Variants in ZNF541 observed in about 807,000 individuals in gnomAD.
ZNF541 encodes the protein zinc finger protein 541.
A neutral mutation model predicts 123.5 loss-of-function variants in ZNF541; 23 were observed. That is an observed-to-expected ratio of 0.19 (90% CI 0.13 to 0.26). The LOEUF is 0.26. Ranked by LOEUF, ZNF541 falls within the 10% of genes least tolerant of loss-of-function variation. The probability of loss-of-function intolerance (pLI) is 1.00; values close to 1 mark genes in which losing one functional copy is unlikely to be tolerated. For missense variants in ZNF541, 1,612 were observed against 1,789.9 expected (o/e 0.90, Z 1.79); for synonymous variants, 751 against 754.5 (o/e 1.00, Z 0.08).
At chr19:47,549,861 G>A (rs902654234) in intron 3 of ZNF541, among the ~76,000 whole-genome samples, 1 of 152,090 alleles carries the variant, frequency 6.6e-6, no homozygotes, top group East Asian at 1.9e-4. Context: ...CTGTTTTTGG[G>A]GTTTTCACAT....
At chr19:47,522,284 G>A (rs908935448) in intron 14 of ZNF541, among the ~76,000 whole-genome samples, 1 of 152,210 alleles carries the variant, frequency 6.6e-6, no homozygotes, top group African/African-American at 2.4e-5. Flanking sequence ...GTTGCACCAG[G>A]GATGCCAACT....
intron 2 of ZNF541, among the ~76,000 whole-genome samples, chr19:47,559,436 C>T (rs1302454728): frequency 6.6e-6 from 1 of 151,910 alleles, no homozygotes; most frequent in African/African-American, 2.4e-5. Context: ...ACAGACTCAA[C>T]TAGTAATTTT....
intron 3 of ZNF541, among the ~76,000 whole-genome samples, chr19:47,555,293 C>A (rs1316002201): frequency 2.0e-5 from 3 of 151,446 alleles, no homozygotes; most frequent in Admixed American, 2.0e-4. Context: ...TGGTGTGAAC[C>A]CAGGAGGCGG....
chr19:47,564,255 G>C (rs569607340), intron 2 of ZNF541, among the ~76,000 whole-genome samples: 19 of 152,126 alleles, frequency 1.2e-4, no homozygotes, highest in Non-Finnish European at 2.6e-4. Context: ...TACTCCCATA[G>C]TCCACAGAAC....
At chr19:47,570,249 G>A (rs368287957) in intron 2 of ZNF541, among the ~76,000 whole-genome samples, 1 of 151,484 alleles carries the variant, frequency 6.6e-6, no homozygotes, top group Middle Eastern at 3.2e-3. Context: ...ACTCCAGCCT[G>A]GGCGACAGAG....
chr19:47,546,604 A>T (rs955320305), intron 4 of ZNF541, among the ~76,000 whole-genome samples: 3 of 152,234 alleles, frequency 2.0e-5, no homozygotes, highest in African/African-American at 7.2e-5. Flanking sequence ...TGGGTTCCCA[A>T]GGAACACAAA....
In ZNF541 at chr19:47,538,424, C is replaced by G. The variant is rs775310863; in HGVS notation, c.2812G>C (p.Gly938Arg). Residue 938 changes from glycine to arginine, a missense_variant, in exon 9 of 17, where the codon GGG becomes CGG. Transcript: ENST00000391901. ...GSMAMGQEKD[G>R]EERDSKESSQ... ...CTCTCCTTGCTGTCTCGCTCCTCCC[C>G]GTCTTTCTCTTGTCCCTGAAGAAGT... is the stretch of plus-strand genomic sequence containing the variant. 3.9e-6 allele frequency: 6 copies of G among 1,521,566 alleles called. No homozygotes were observed. In the African/African-American group the frequency reaches 4.2e-5, roughly 11 times the overall value. 94.3% of individuals were successfully genotyped at this position (1,521,566 alleles called of 1,614,324 possible).
At chr19:47,528,215 T>C (rs1969394971) in intron 14 of ZNF541, among the ~76,000 whole-genome samples, 1 of 139,896 alleles carries the variant, frequency 7.1e-6, no homozygotes. Context: ...CTCGGAAGGC[T>C]GAGGCAGGAG....
At chr19:47,561,519 T>C (rs1027398315) in intron 2 of ZNF541, among the ~76,000 whole-genome samples, 8 of 152,000 alleles carry the variant, frequency 5.3e-5, no homozygotes, top group Admixed American at 2.6e-4. Context: ...TCCTGGGAAT[T>C]TAGAAGGTGG....
At chr19:47,539,542 T>C (rs1263302977) in intron 8 of ZNF541, among the ~76,000 whole-genome samples, 163 bp downstream of exon 8, 1 of 152,096 alleles carries the variant, frequency 6.6e-6, no homozygotes, top group East Asian at 1.9e-4. Flanking sequence ...GCTCAGGCAA[T>C]CCACCCGCCT....
intron 2 of ZNF541, among the ~76,000 whole-genome samples, chr19:47,561,962 T>C (rs1022350489): frequency 6.6e-6 from 1 of 152,170 alleles, no homozygotes; most frequent in Non-Finnish European, 1.5e-5. Flanking sequence ...AATATCCAGT[T>C]TACAGGCTGG....
In ZNF541 at chr19:47,532,188, C is replaced by T. The variant is rs934726001; in HGVS notation, c.3241G>A (p.Ala1081Thr). 3.9e-6 allele frequency: 6 copies of T among 1,551,664 alleles called. No homozygotes were observed. In the African/African-American group the frequency reaches 6.8e-5, roughly 18 times the overall value. ...RSLAGTDEHVASLVWKPWGDM... is the reference protein window; with the variant it reads ...RSLAGTDEHVTSLVWKPWGDM... Reference sequence around the variant, plus strand: ...CCCCATGGCTTCCAGACCAGAGAAGCTACATGCTCGTCAGTTCCAGCCAGG... The same window carrying T: ...CCCCATGGCTTCCAGACCAGAGAAGTTACATGCTCGTCAGTTCCAGCCAGG... Residue 1081 changes from alanine to threonine, a missense_variant, in exon 11 of 17, where the codon GCT (alanine) becomes ACT (threonine). Physicochemically the swap from Ala to Thr is moderately conservative, Grantham distance 58. Around this residue, in one of 5 missense-constraint regions of ZNF541, gnomAD observed 285 missense variants for 407.3 expected, o/e 0.70. Transcript: ENST00000391901.
intron 2 of ZNF541, among the ~76,000 whole-genome samples, chr19:47,567,459 A>G (rs1971309579): frequency 6.6e-6 from 1 of 152,290 alleles, no homozygotes; most frequent in Non-Finnish European, 1.5e-5. Context: ...GGGTTTCACC[A>G]TGTTGGCTAA....
intron 5 of ZNF541, 78 bp from the exon 6 acceptor site, chr19:47,541,029 G>C: frequency 7.4e-7 from 1 of 1,343,026 alleles, no homozygotes; most frequent in Non-Finnish European, 1.0e-6. Context: ...ACTTTTAGAA[G>C]AAAACATCAG....
chr19:47,554,880 G>C (rs1970749333), intron 3 of ZNF541, among the ~76,000 whole-genome samples: 1 of 152,010 alleles, frequency 6.6e-6, no homozygotes, highest in Admixed American at 6.6e-5. Flanking sequence ...GATCACTTGA[G>C]GTCAGGAGTT....
intron 14 of ZNF541, among the ~76,000 whole-genome samples, chr19:47,524,479 G>A (rs1599937905): frequency 6.6e-6 from 1 of 152,188 alleles, no homozygotes. Flanking sequence ...GCCGAGGCAG[G>A]AGGATCACCT....
Position 47,545,053 on chromosome 19 carries a change from G to A in ZNF541, c.1476C>T (p.Ala492=), listed in dbSNP as rs1300061887. 2.0e-6 allele frequency: 3 copies of A among 1,478,936 alleles called. No individual in the cohort carries two copies. The highest frequency in any genetic ancestry group is 2.5e-5 in the East Asian group (1 of 40,324). The allele number at this position is 1,478,936 out of a possible 1,614,324, so 91.6% of individuals were successfully genotyped here. A position where few individuals can be genotyped will look rare whatever the true frequency, so the allele number is the denominator to read the frequency against. ...PAEAPSDPRS[A]SGEDDPCAPK... ...GGGCGCAGGGGTCATCTTCCCCGCT[G>A]GCCGACCTGGGGTCGCTCGGGGCCT... Residue 492 remains alanine (A), a synonymous_variant, in exon 5 of 17, where the codon GCC becomes GCT. Transcript: ENST00000391901. This position sits in a 1 kb window ranked among gnomAD's most constrained non-coding sequence, Gnocchi z 7.5.
intron 2 of ZNF541, among the ~76,000 whole-genome samples, chr19:47,561,740 TAAG>T (rs1446384718): frequency 6.6e-6 from 1 of 151,996 alleles, no homozygotes; most frequent in Non-Finnish European, 1.5e-5. Context: ...TCCAGGAGTT[TAAG>T]AAGATCTCTG....
At chr19:47,543,292 G>T (rs748827858) in intron 5 of ZNF541, among the ~76,000 whole-genome samples, 1 of 152,052 alleles carries the variant, frequency 6.6e-6, no homozygotes, top group Non-Finnish European at 1.5e-5. Context: ...GGTAGAGACA[G>T]GGTTTCGCCA....
Sources: gnomAD v4.1 joint callset for allele counts (sites outside exome capture counted in the v4.1 genomes callset) on GRCh38, gnomAD v4.1.1 for gene constraint, gnomAD v4.1.1 regional missense constraint, Gnocchi (gnomAD v3.1) non-coding constraint, MANE v1.5 for transcripts, NCBI Gene and HGNC (gene_info 2026-07-23, HGNC 2026-07-21) for gene names.